Variants in FHOD3 observed in about 807,000 individuals in gnomAD.
The protein encoded by FHOD3 is formin homology 2 domain containing 3.
In FHOD3, 90 loss-of-function variants were observed where a neutral mutation model predicts 173.0. The observed-to-expected ratio is 0.52, with a 90% CI of 0.44 to 0.62. The LOEUF (loss-of-function observed/expected upper bound fraction) is 0.62. Ranked by LOEUF, FHOD3 falls within the 20% of genes least tolerant of loss-of-function variation. FHOD3 has a pLI of 0.00. For synonymous variants in FHOD3, 828 were observed against 823.0 expected (o/e 1.01, Z -0.10); for missense variants, 1,945 against 2,034.7 (o/e 0.96, Z 0.85).
intron 14 of FHOD3, among the ~76,000 whole-genome samples, chr18:36,658,516 T>A (rs1334170444): frequency 1.3e-5 from 2 of 152,230 alleles, no homozygotes. Context: ...GCTCTGCAAT[T>A]TGTTATATAC....
At chr18:36,672,508 C>T (rs1222037961) in intron 14 of FHOD3, among the ~76,000 whole-genome samples, 3 of 152,222 alleles carry the variant, frequency 2.0e-5, no homozygotes, top group Non-Finnish European at 4.4e-5. Flanking sequence ...CCAGCCACCT[C>T]GCCCAGACTT....
intron 3 of FHOD3, among the ~76,000 whole-genome samples, chr18:36,421,777 G>T (rs926020181): frequency 2.6e-5 from 4 of 152,136 alleles, no homozygotes; most frequent in Non-Finnish European, 4.4e-5. Context: ...GCCGGTTCTA[G>T]GGGACAGCAG....
intron 23 of FHOD3, among the ~76,000 whole-genome samples, chr18:36,745,202 C>T (rs1363149888): frequency 6.6e-6 from 1 of 152,228 alleles, no homozygotes; most frequent in Non-Finnish European, 1.5e-5. Flanking sequence ...TCCAGAGCCA[C>T]AGGCTGGCCT....
At chr18:36,774,881 G>A (rs955793968) in intron 28 of FHOD3, among the ~76,000 whole-genome samples, 50 of 152,260 alleles carry the variant, frequency 3.3e-4, no homozygotes, top group African/African-American at 9.1e-4. Flanking sequence ...TCTAATCTGT[G>A]AGGACACTTT....
At chr18:36,535,577 C>T (rs1367752293) in intron 5 of FHOD3, among the ~76,000 whole-genome samples, 2 of 152,146 alleles carry the variant, frequency 1.3e-5, no homozygotes, top group East Asian at 1.9e-4. Flanking sequence ...GAGGAAGACC[C>T]ATCCAACAGC....
chr18:36,557,911 G>A (rs1176355556), intron 5 of FHOD3, among the ~76,000 whole-genome samples: 1 of 152,226 alleles, frequency 6.6e-6, no homozygotes. Flanking sequence ...GGTGAAACCA[G>A]AGAAGCATTG....
chr18:36,705,947 C>CTGTG (rs3222016), intron 17 of FHOD3, among the ~76,000 whole-genome samples: 3,629 of 142,732 alleles, frequency 0.025, 55 homozygotes, highest in South Asian at 0.041. Context: ...TCAGAAGGAA[C>CTGTG]TGTGTGTGTG....
intron 3 of FHOD3, among the ~76,000 whole-genome samples, chr18:36,441,934 TAA>T (rs1271968364): frequency 7.2e-5 from 11 of 152,354 alleles, no homozygotes; most frequent in African/African-American, 2.6e-4. Flanking sequence ...CAAATTATGC[TAA>T]GTTAGGATTT....
intron 14 of FHOD3, among the ~76,000 whole-genome samples, chr18:36,658,803 G>A (rs555300150): frequency 1.3e-5 from 2 of 152,242 alleles, no homozygotes; most frequent in Non-Finnish European, 2.9e-5. Context: ...CAAGAGTGCT[G>A]AGTTAGAGAA....
chr18:36,728,054 G>C (rs1173183403), intron 19 of FHOD3, among the ~76,000 whole-genome samples: 1 of 152,224 alleles, frequency 6.6e-6, no homozygotes, highest in Non-Finnish European at 1.5e-5. Context: ...TGAGCACAAG[G>C]CATGGCCCAC....
rs77068877 is a variant in FHOD3, at chr18:36,572,377, G to A, written c.512-4074G>A. ...TTTTATTCTCAGGCCCACGTTTGAG[G>A]TTGGTGGGTTTTTGCTGCTTGTAGT... On this transcript the variant is annotated intron_variant, in intron 5 of 28. Transcript: ENST00000590592. 1.0e-2 allele frequency among the ~76,000 whole-genome samples: 1,522 copies of A among 152,238 alleles called. 17 individuals are homozygous for A. Among genetic ancestry groups the A allele is most frequent in the African/African-American group, 0.034 (1,411 of 41,528 alleles).
At chr18:36,646,723 A>G (rs1458110069) in intron 10 of FHOD3, among the ~76,000 whole-genome samples, 1 of 152,226 alleles carries the variant, frequency 6.6e-6, no homozygotes, top group African/African-American at 2.4e-5. Context: ...TCTGAAAGTT[A>G]GTGAAATGAA....
At chr18:36,744,838 C>G (rs1049714031) in intron 23 of FHOD3, among the ~76,000 whole-genome samples, 1 of 152,166 alleles carries the variant, frequency 6.6e-6, no homozygotes, top group African/African-American at 2.4e-5. Flanking sequence ...TGAGGCTGAC[C>G]AACTCCTAGA....
At chr18:36,500,978 C>G (rs1460756911) in intron 3 of FHOD3, among the ~76,000 whole-genome samples, 1 of 152,188 alleles carries the variant, frequency 6.6e-6, no homozygotes, top group African/African-American at 2.4e-5. Context: ...AGGACTCCCT[C>G]CGGTGTGTCT....
At chr18:36,369,954 T>TATGCAAG (rs2047099119) in intron 2 of FHOD3, among the ~76,000 whole-genome samples, 1 of 152,164 alleles carries the variant, frequency 6.6e-6, no homozygotes, top group South Asian at 2.1e-4. Context: ...ACCAGCCCTG[T>TATGCAAG]ATGCAAGTTA....
chr18:36,502,217 A>T (rs2055068418), intron 4 of FHOD3, among the ~76,000 whole-genome samples: 1 of 148,634 alleles, frequency 6.7e-6, no homozygotes, highest in Admixed American at 6.6e-5. Flanking sequence ...ACTTTATCAC[A>T]TATTTTTCCA....
At chr18:36,322,648 T>C (rs961578958) in intron 1 of FHOD3, among the ~76,000 whole-genome samples, 1 of 152,128 alleles carries the variant, frequency 6.6e-6, no homozygotes, top group African/African-American at 2.4e-5. Flanking sequence ...ACCTGGAACC[T>C]TGTGCCCCTT....
chr18:36,509,435 AAAAAAAG>A (rs2055504771), intron 4 of FHOD3, among the ~76,000 whole-genome samples: 1 of 78,612 alleles, frequency 1.3e-5, no homozygotes, highest in South Asian at 3.5e-4. Context: ...TCAAAAAAAA[AAAAAAAG>A]AAAAAAAAAA....
chr18:36,416,109 T>G (rs2146980056), intron 3 of FHOD3, among the ~76,000 whole-genome samples: 1 of 152,308 alleles, frequency 6.6e-6, no homozygotes, highest in Middle Eastern at 3.4e-3. Context: ...CTCGGCTCAC[T>G]GCAACCTCTG....
Sources: allele counts gnomAD v4.1 joint callset (sites outside exome capture counted in the v4.1 genomes callset), GRCh38; gene constraint gnomAD v4.1.1; transcripts MANE v1.5; gene names NCBI Gene and HGNC (gene_info 2026-07-23, HGNC 2026-07-21).